Variants in TEC observed in about 807,000 individuals in gnomAD.
TEC encodes tyrosine-protein kinase Tec.
In TEC, 72 loss-of-function variants were observed where a neutral mutation model predicts 93.0. That is an observed-to-expected ratio of 0.77 (90% CI 0.64 to 0.94). TEC has a LOEUF of 0.94. TEC is among the 40% of genes least tolerant of loss of function. The probability of loss-of-function intolerance (pLI) is 0.00; values close to 1 mark genes in which losing one functional copy is unlikely to be tolerated. For synonymous variants in TEC, 249 were observed against 247.7 expected (o/e 1.01, Z -0.05); for missense variants, 630 against 757.9 (o/e 0.83, Z 1.98).
intron 2 of TEC, among the ~76,000 whole-genome samples, chr4:48,181,932 A>G (rs1721606530): frequency 6.6e-6 from 1 of 152,154 alleles, no homozygotes; most frequent in African/African-American, 2.4e-5. Flanking sequence ...ATTCTTTAGA[A>G]TTTCTTCAGT....
At chr4:48,187,741 A>G (rs989098862) in intron 2 of TEC, among the ~76,000 whole-genome samples, 5 of 152,234 alleles carry the variant, frequency 3.3e-5, no homozygotes, top group Non-Finnish European at 5.9e-5. Flanking sequence ...TAAGTCTAAA[A>G]GTGATTTAAA....
rs1979972 is a variant in TEC, at chr4:48,136,596, C to G, written c.*820G>C. On this transcript the variant is annotated 3_prime_UTR_variant, in exon 18 of 18. Transcript: ENST00000381501. ...GGCAGGATTACATAGGCCAAATGCA[C>G]GTGGTTAAGCTGGACAGGCATCCCC... The G allele has an allele frequency of 6.6e-6, 1 of 152,104 alleles. No individual in the cohort carries two copies. The highest frequency in any genetic ancestry group is 1.5e-5 in the Non-Finnish European group (1 of 68,058). The allele number at this position is 152,104 out of a possible 1,614,324, so 9.4% of individuals were successfully genotyped here. A position where few individuals can be genotyped will look rare whatever the true frequency, so the allele number is the denominator to read the frequency against.
chr4:48,143,384 G>A (rs1055023776), intron 14 of TEC, among the ~76,000 whole-genome samples: 2 of 152,182 alleles, frequency 1.3e-5, no homozygotes, highest in Non-Finnish European at 2.9e-5. Context: ...GTTTTTATCA[G>A]TTTTATAAGG....
chr4:48,245,836 C>T (rs1362021875), intron 1 of TEC, among the ~76,000 whole-genome samples: 1 of 152,128 alleles, frequency 6.6e-6, no homozygotes, highest in African/African-American at 2.4e-5. Context: ...TTGGGCCAAG[C>T]ACCGTGGCTC....
chr4:48,246,462 A>C (rs1229684476), intron 1 of TEC, among the ~76,000 whole-genome samples: 1 of 148,766 alleles, frequency 6.7e-6, no homozygotes, highest in African/African-American at 2.5e-5. Context: ...AGACAAAACT[A>C]TCTTGAAAAA....
intron 1 of TEC, among the ~76,000 whole-genome samples, chr4:48,247,305 A>G (rs1028589600): frequency 6.6e-6 from 1 of 152,232 alleles, no homozygotes; most frequent in African/African-American, 2.4e-5. Flanking sequence ...GTAAAATGGT[A>G]CAGGCACTGT....
chr4:48,169,110 A>C (rs1002330354), intron 5 of TEC, among the ~76,000 whole-genome samples: 3 of 152,060 alleles, frequency 2.0e-5, no homozygotes, highest in South Asian at 4.1e-4. Context: ...GGGGTGTGCC[A>C]TTTTTAGATC....
At chr4:48,232,661 A>G (rs1335271818) in intron 1 of TEC, among the ~76,000 whole-genome samples, 2 of 152,256 alleles carry the variant, frequency 1.3e-5, no homozygotes, top group African/African-American at 2.4e-5. Context: ...AGAGTGTTGA[A>G]TGCACACTTC....
intron 1 of TEC, among the ~76,000 whole-genome samples, chr4:48,241,993 G>T (rs1353030707): frequency 6.6e-6 from 1 of 152,210 alleles, no homozygotes; most frequent in Non-Finnish European, 1.5e-5. Flanking sequence ...AATGATCTTT[G>T]TTCTAGAGAA....
At chr4:48,156,586 A>G (rs1055436585) in intron 9 of TEC, 94 bp downstream of exon 9, 14 of 1,141,210 alleles carry the variant, frequency 1.2e-5, no homozygotes, top group Non-Finnish European at 1.6e-5. Context: ...TCACTGCTGA[A>G]CACATTTAGA....
intron 1 of TEC, among the ~76,000 whole-genome samples, chr4:48,245,512 A>C (rs1724031543): frequency 6.6e-6 from 1 of 152,220 alleles, no homozygotes; most frequent in African/African-American, 2.4e-5. Flanking sequence ...TTATACACAG[A>C]AAACACTTAG....
intron 2 of TEC, among the ~76,000 whole-genome samples, chr4:48,220,168 T>G (rs938718925): frequency 1.3e-5 from 2 of 150,588 alleles, no homozygotes; most frequent in Non-Finnish European, 3.0e-5. Context: ...CATTTAGGAT[T>G]GAGTTCTCCC....
intron 2 of TEC, among the ~76,000 whole-genome samples, chr4:48,225,455 G>A (rs1327271185): frequency 6.6e-6 from 1 of 152,196 alleles, no homozygotes; most frequent in Non-Finnish European, 1.5e-5. Flanking sequence ...AGGATTACAG[G>A]CATGAGCCAC....
At chr4:48,144,635 C>T (rs1719827303) in intron 14 of TEC, among the ~76,000 whole-genome samples, 1 of 152,140 alleles carries the variant, frequency 6.6e-6, no homozygotes, top group African/African-American at 2.4e-5. Flanking sequence ...TTTTAAAAAT[C>T]CAAAGGATTT....
At chr4:48,211,007 A>G (rs1156586506) in intron 2 of TEC, among the ~76,000 whole-genome samples, 5 of 152,176 alleles carry the variant, frequency 3.3e-5, no homozygotes, top group Non-Finnish European at 7.3e-5. Flanking sequence ...ATACTGATCC[A>G]TTTACCCCTC....
At chr4:48,252,318 A>G (rs560716992) in intron 1 of TEC, among the ~76,000 whole-genome samples, 3 of 152,368 alleles carry the variant, frequency 2.0e-5, no homozygotes, top group East Asian at 3.9e-4. Context: ...CTGATCCTTA[A>G]GTCAATCCTG....
At chr4:48,251,747 A>C (rs527934221) in intron 1 of TEC, among the ~76,000 whole-genome samples, 13 of 152,312 alleles carry the variant, frequency 8.5e-5, no homozygotes, top group Admixed American at 2.6e-4. Context: ...TTATAAAAAG[A>C]AGAGGGGTGG....
chr4:48,163,559 C>T (rs1310458631), intron 8 of TEC, 143 bp downstream of exon 8: 10 of 582,290 alleles, frequency 1.7e-5, no homozygotes, highest in Non-Finnish European at 2.7e-5. Flanking sequence ...TCTTTTACCA[C>T]ATCAGGCAAT....
At chr4:48,186,504 C>T (rs914394941) in intron 2 of TEC, among the ~76,000 whole-genome samples, 4 of 148,950 alleles carry the variant, frequency 2.7e-5, no homozygotes, top group Non-Finnish European at 4.5e-5. Flanking sequence ...CTCTGCCTGG[C>T]CGACCCCGTC....
Sources: allele counts gnomAD v4.1 joint callset (sites outside exome capture counted in the v4.1 genomes callset), GRCh38; gene constraint gnomAD v4.1.1; transcripts MANE v1.5; gene names NCBI Gene and HGNC (gene_info 2026-07-23, HGNC 2026-07-21).